Variants in KCNH8 observed in about 807,000 individuals in gnomAD.
The protein encoded by KCNH8 is potassium voltage-gated channel subfamily H member 8.
Under a neutral mutation model 103.6 loss-of-function variants are expected in KCNH8, and 70 were observed. The ratio of observed to expected loss-of-function variants is 0.68; its 90% confidence interval spans 0.56 to 0.82. The LOEUF (loss-of-function observed/expected upper bound fraction) is 0.82. Ranked by LOEUF, KCNH8 falls within the 40% of genes least tolerant of loss-of-function variation. The probability of loss-of-function intolerance (pLI) is 0.00; values close to 1 mark genes in which losing one functional copy is unlikely to be tolerated. For synonymous variants in KCNH8, 498 were observed against 489.4 expected, an observed-to-expected ratio of 1.02 and a Z score of -0.23; for missense variants, 1,217 against 1,329.9, an observed-to-expected ratio of 0.92 and a Z score of 1.32.
At chr3:19,531,874 C>T (rs561350311) in intron 15 of KCNH8, among the ~76,000 whole-genome samples, 3 of 152,258 alleles carry the variant, frequency 2.0e-5, no homozygotes, top group African/African-American at 7.2e-5. Flanking sequence ...GGTTCAGCTG[C>T]TTCTATTAGC....
intron 7 of KCNH8, among the ~76,000 whole-genome samples, chr3:19,429,376 A>G (rs2067084145): frequency 2.0e-5 from 3 of 151,232 alleles, no homozygotes; most frequent in African/African-American, 2.4e-5. Context: ...GGGTTTCACC[A>G]TGTTAGCCAT....
intron 1 of KCNH8, among the ~76,000 whole-genome samples, chr3:19,177,792 A>G (rs1351743179): frequency 5.9e-5 from 9 of 152,130 alleles, no homozygotes; most frequent in Admixed American, 3.3e-4. Context: ...AAATTGACTT[A>G]ACCTCTTCTG....
At chr3:19,383,582 AG>A (rs2066316708) in intron 5 of KCNH8, among the ~76,000 whole-genome samples, 1 of 152,168 alleles carries the variant, frequency 6.6e-6, no homozygotes, top group African/African-American at 2.4e-5. Flanking sequence ...CATGTTGGTC[AG>A]GCTGGTGTCA....
chr3:19,275,402 C>T (rs759292280), intron 2 of KCNH8, among the ~76,000 whole-genome samples: 3 of 152,008 alleles, frequency 2.0e-5, no homozygotes, highest in African/African-American at 7.3e-5. Flanking sequence ...ACCCCCCACG[C>T]TGCCCTCCAC....
At chr3:19,462,948 A>T (rs1320616469) in intron 11 of KCNH8, among the ~76,000 whole-genome samples, 2 of 152,090 alleles carry the variant, frequency 1.3e-5, no homozygotes, top group East Asian at 3.9e-4. Flanking sequence ...TCAAAGATAG[A>T]TGTGTGAGAT....
intron 5 of KCNH8, among the ~76,000 whole-genome samples, chr3:19,382,024 C>T (rs1490155656): frequency 1.3e-5 from 2 of 152,086 alleles, no homozygotes; most frequent in Non-Finnish European, 2.9e-5. Flanking sequence ...CCATTGTTGG[C>T]TACAAAGATG....
chr3:19,418,535 G>A (rs993983806), intron 7 of KCNH8, among the ~76,000 whole-genome samples: 3 of 152,004 alleles, frequency 2.0e-5, no homozygotes, highest in Non-Finnish European at 2.9e-5. Context: ...TGAAAACATC[G>A]TATAAAGCCC....
chr3:19,162,940 A>G (rs1008389735), intron 1 of KCNH8, among the ~76,000 whole-genome samples: 6 of 152,120 alleles, frequency 3.9e-5, no homozygotes, highest in African/African-American at 1.4e-4. Context: ...GTATATAGCA[A>G]AATTTGCTGT....
intron 1 of KCNH8, among the ~76,000 whole-genome samples, chr3:19,165,323 G>A (rs2063272493): frequency 6.6e-6 from 1 of 152,188 alleles, no homozygotes; most frequent in African/African-American, 2.4e-5. Flanking sequence ...CAACTCTGAT[G>A]AGCAGCCTTT....
At chr3:19,498,493 C>A (rs1259093216) in intron 11 of KCNH8, among the ~76,000 whole-genome samples, 2 of 152,080 alleles carry the variant, frequency 1.3e-5, no homozygotes, top group Non-Finnish European at 2.9e-5. Context: ...TATTTCTCCT[C>A]CACTTATGAA....
At chr3:19,154,565 C>T (rs893130603) in intron 1 of KCNH8, among the ~76,000 whole-genome samples, 1 of 152,182 alleles carries the variant, frequency 6.6e-6, no homozygotes, top group African/African-American at 2.4e-5. Flanking sequence ...TTTTTACTAT[C>T]TCTTCTAATA....
At chr3:19,282,922 A>G (rs1014440038) in intron 3 of KCNH8, among the ~76,000 whole-genome samples, 2 of 152,136 alleles carry the variant, frequency 1.3e-5, no homozygotes, top group Admixed American at 6.6e-5. Flanking sequence ...AAATATGTCT[A>G]CCTCCAAGTG....
chr3:19,354,296 C>T (rs2065847280), intron 5 of KCNH8, among the ~76,000 whole-genome samples: 1 of 152,114 alleles, frequency 6.6e-6, no homozygotes, highest in African/African-American at 2.4e-5. Context: ...GTGAAAATGG[C>T]CATACTGCCC....
At chr3:19,421,085 T>C (rs1177344651) in intron 7 of KCNH8, among the ~76,000 whole-genome samples, 4 of 152,116 alleles carry the variant, frequency 2.6e-5, no homozygotes, top group Non-Finnish European at 4.4e-5. Flanking sequence ...TTTTAAAAAA[T>C]TGGTGAAACA....
At chr3:19,477,628 G>A (rs1044897800) in intron 11 of KCNH8, among the ~76,000 whole-genome samples, 6 of 151,688 alleles carry the variant, frequency 4.0e-5, no homozygotes, top group Non-Finnish European at 8.8e-5. Flanking sequence ...ATGGCCAGGT[G>A]GAAGCAACAA....
chr3:19,237,144 G>A (rs2064076820), intron 1 of KCNH8, among the ~76,000 whole-genome samples: 2 of 152,194 alleles, frequency 1.3e-5, no homozygotes, highest in Non-Finnish European at 2.9e-5. Flanking sequence ...CCCCTAGGAA[G>A]AACCACTTGA....
In KCNH8 at chr3:19,500,999, G is replaced by C. The variant is rs1300590064; in HGVS notation, c.2041-9364G>C. 2.0e-5 allele frequency among the ~76,000 whole-genome samples: 3 copies of C among 151,848 alleles called. No individual in the cohort carries two copies. The East Asian group carries it at 5.8e-4, about 29-fold the overall frequency. On this transcript the variant is annotated intron_variant, in intron 11 of 15. Transcript: ENST00000328405. ...TAACAAATCCAGGAGCTGGTTTTTT[G>C]AAAGGATCAACAAAATTGACAGACC...
At chr3:19,383,524 A>G (rs1186322126) in intron 5 of KCNH8, among the ~76,000 whole-genome samples, 1 of 152,024 alleles carries the variant, frequency 6.6e-6, no homozygotes, top group East Asian at 1.9e-4. Context: ...GGCGCCCGCC[A>G]CTACATCCTG....
At chr3:19,332,805 G>A (rs1345649088) in intron 3 of KCNH8, among the ~76,000 whole-genome samples, 1 of 151,888 alleles carries the variant, frequency 6.6e-6, no homozygotes, top group African/African-American at 2.4e-5. Context: ...GCTAATTTTT[G>A]TATTTTCAGT....
Sources: allele counts gnomAD v4.1 joint callset (sites outside exome capture counted in the v4.1 genomes callset), GRCh38; gene constraint gnomAD v4.1.1; transcripts MANE v1.5; gene names NCBI Gene and HGNC (gene_info 2026-07-23, HGNC 2026-07-21).